The following LINGO2 variants were observed in gnomAD, a reference collection of about 807,000 sequenced individuals.
LINGO2 encodes the protein leucine rich repeat and Ig domain containing 2.
A neutral mutation model predicts 30.6 loss-of-function variants in LINGO2; 14 were observed. The observed-to-expected ratio is 0.46, with a 90% CI of 0.30 to 0.72. LINGO2 has a LOEUF of 0.72. Ranked by LOEUF, LINGO2 falls within the 30% of genes least tolerant of loss-of-function variation. The pLI, the probability that LINGO2 is intolerant of heterozygous loss-of-function variation, is 0.07. For synonymous variants in LINGO2, 317 were observed against 288.5 expected (o/e 1.10, Z -1.00); for missense variants, 729 against 751.7 (o/e 0.97, Z 0.35).
rs554150982 is a variant in LINGO2 at position 28,069,824 on chromosome 9, C to T, written c.-86-57419G>A. Among the ~76,000 whole-genome samples, 5 of 152,302 alleles carry T rather than the reference C, an allele frequency of 3.3e-5. No homozygotes were observed. The South Asian group carries it at 1.0e-3, about 32-fold the overall frequency. On this transcript the variant is annotated intron_variant, in intron 4 of 5. Transcript: ENST00000379992. ...TGTGCTGGCTGGTCCCAGTGGGAAT[C>T]TCATCAGCAGAGATTAACAGTGAGG...
At chr9:28,717,414 A>ACAAT in the LINGO2 span, among the ~76,000 whole-genome samples, 2 of 151,964 alleles carry the variant, frequency 1.3e-5, no homozygotes, top group Admixed American at 1.3e-4. Flanking sequence ...GGACAGGCTT[A>ACAAT]CAATCAATAG....
intron 4 of LINGO2, among the ~76,000 whole-genome samples, chr9:28,134,561 AC>A (rs1371916664): frequency 5.3e-5 from 8 of 152,158 alleles, no homozygotes; most frequent in Non-Finnish European, 1.0e-4. Context: ...GTGCTTGGAG[AC>A]CCAGAGGTAG....
At chr9:28,426,598 G>T (rs1049119580) in intron 2 of LINGO2, among the ~76,000 whole-genome samples, 2 of 151,984 alleles carry the variant, frequency 1.3e-5, no homozygotes. Flanking sequence ...TAAATATGCA[G>T]GTATACTGTG....
At chr9:28,575,455 A>G (rs1587893618) in intron 1 of LINGO2, among the ~76,000 whole-genome samples, 1 of 151,970 alleles carries the variant, frequency 6.6e-6, no homozygotes, top group East Asian at 1.9e-4. Context: ...GTTTTCACTC[A>G]TAAGAGGGAG....
At chr9:28,576,798 C>A (rs941587845) in intron 1 of LINGO2, among the ~76,000 whole-genome samples, 1 of 152,048 alleles carries the variant, frequency 6.6e-6, no homozygotes, top group South Asian at 2.1e-4. Flanking sequence ...TTTTGGTGTA[C>A]CCTTAACAGA....
At chr9:28,706,787 T>C in the LINGO2 span, among the ~76,000 whole-genome samples, 2 of 152,144 alleles carry the variant, frequency 1.3e-5, no homozygotes, top group South Asian at 4.1e-4. Context: ...ATATTTTGAC[T>C]AGGAGCATTT....
chr9:29,090,555 GAATT>G, the LINGO2 span, among the ~76,000 whole-genome samples: 1 of 151,998 alleles, frequency 6.6e-6, no homozygotes, highest in Non-Finnish European at 1.5e-5. Flanking sequence ...AAAACTGAAT[GAATT>G]AATTAATTTA....
chr9:28,769,057 A>C, the LINGO2 span, among the ~76,000 whole-genome samples: 2 of 152,040 alleles, frequency 1.3e-5, no homozygotes, highest in Non-Finnish European at 2.9e-5. Flanking sequence ...TAATACTATC[A>C]CTATAAATTA....
At chr9:28,694,235 C>T in the LINGO2 span, among the ~76,000 whole-genome samples, 1 of 151,422 alleles carries the variant, frequency 6.6e-6, no homozygotes, top group Non-Finnish European at 1.5e-5. Flanking sequence ...TTCTATTAAT[C>T]TAATATATTA....
At chr9:29,006,737 T>C in the LINGO2 span, among the ~76,000 whole-genome samples, 12 of 152,028 alleles carry the variant, frequency 7.9e-5, no homozygotes, top group African/African-American at 2.4e-4. Context: ...ACATTAAGCA[T>C]AGTACAGTCG....
the LINGO2 span, among the ~76,000 whole-genome samples, chr9:29,108,217 A>G: frequency 6.6e-6 from 1 of 152,202 alleles, no homozygotes; most frequent in Non-Finnish European, 1.5e-5. Context: ...ACCTGCCAAC[A>G]TAATCTTGAC....
intron 4 of LINGO2, among the ~76,000 whole-genome samples, chr9:28,123,689 A>G (rs947790266): frequency 6.6e-6 from 1 of 151,002 alleles, no homozygotes; most frequent in African/African-American, 2.4e-5. Flanking sequence ...TTTTTGACGG[A>G]GTCTCATTCT....
Position 28,069,740 on chromosome 9 carries a change from G to T in LINGO2, c.-86-57335C>A, listed in dbSNP as rs181383538. Reference sequence around the variant, plus strand: ...GCATTTAGTGCCCAGCGAGCCTGATGTTGAGTTCATGGAGAAGGCCAGAGA... The same window carrying T: ...GCATTTAGTGCCCAGCGAGCCTGATTTTGAGTTCATGGAGAAGGCCAGAGA... On this transcript the variant is annotated intron_variant, in intron 4 of 5. Coordinates refer to ENST00000379992, the Ensembl canonical transcript of LINGO2. 1.2e-4 allele frequency among the ~76,000 whole-genome samples: 19 copies of T among 152,288 alleles called. No individual in the cohort carries two copies. The East Asian group carries it at 3.5e-3, about 28-fold the overall frequency.
the LINGO2 span, among the ~76,000 whole-genome samples, chr9:28,858,443 G>A: frequency 6.6e-6 from 1 of 151,998 alleles, no homozygotes; most frequent in African/African-American, 2.4e-5. Flanking sequence ...TGAACTTACT[G>A]CATTATAACC....
intron 3 of LINGO2, among the ~76,000 whole-genome samples, chr9:28,320,158 T>C (rs908830464): frequency 6.6e-6 from 1 of 152,092 alleles, no homozygotes; most frequent in Non-Finnish European, 1.5e-5. Context: ...TACAATCCCC[T>C]CATTCTCAAG....
the LINGO2 span, among the ~76,000 whole-genome samples, chr9:29,101,872 G>A: frequency 1.3e-5 from 2 of 152,114 alleles, no homozygotes; most frequent in Non-Finnish European, 2.9e-5. Context: ...CAATGAATGT[G>A]GGAGTGCAGC....
intron 1 of LINGO2, among the ~76,000 whole-genome samples, chr9:28,594,627 G>A (rs374265670): frequency 4.1e-4 from 63 of 152,142 alleles, no homozygotes; most frequent in African/African-American, 1.1e-3. Context: ...TATATAAGGC[G>A]CACTATTTCA....
the LINGO2 span, among the ~76,000 whole-genome samples, chr9:28,701,673 C>CA: frequency 6.6e-6 from 1 of 151,794 alleles, no homozygotes; most frequent in South Asian, 2.1e-4. Flanking sequence ...TTAATATCAA[C>CA]AAAATAACAT....
At chr9:28,299,341 A>G (rs10968471) in intron 3 of LINGO2, among the ~76,000 whole-genome samples, 10,970 of 152,228 alleles carry the variant, frequency 0.072, 713 homozygotes, top group East Asian at 0.38. Context: ...AATAATCAAA[A>G]TTATGAGGCT....
Sources: allele counts gnomAD v4.1 joint callset (sites outside exome capture counted in the v4.1 genomes callset), GRCh38; gene constraint gnomAD v4.1.1; transcripts MANE v1.5; gene names NCBI Gene and HGNC (gene_info 2026-07-23, HGNC 2026-07-21).